DNAH14: variants seen among roughly 807,000 people sequenced by gnomAD.
The protein encoded by DNAH14 is dynein axonemal heavy chain 14.
DNAH14 carries 478 observed loss-of-function variants against 520.9 expected under a neutral mutation model. That is an observed-to-expected ratio of 0.92 (90% confidence interval 0.85 to 0.99). The LOEUF (loss-of-function observed/expected upper bound fraction) is 0.99. Ranked by LOEUF, DNAH14 falls within the 50% of genes least tolerant of loss-of-function variation. The pLI, the probability that DNAH14 is intolerant of heterozygous loss-of-function variation, is 0.00. For synonymous variants in DNAH14, 1,581 were observed against 1,757.2 expected, an observed-to-expected ratio of 0.90 and a Z score of 2.51; for missense variants, 4,831 against 5,234.5, an observed-to-expected ratio of 0.92 and a Z score of 2.38.
At chr1:225,318,995 T>G (rs917267073) in intron 61 of DNAH14, among the ~76,000 whole-genome samples, 1 of 152,212 alleles carries the variant, frequency 6.6e-6, no homozygotes, top group Non-Finnish European at 1.5e-5. Context: ...GATGTAAAAA[T>G]GTGCATCTTA....
At chr1:225,162,025 C>A (rs1417394551) in intron 35 of DNAH14, among the ~76,000 whole-genome samples, 1 of 152,108 alleles carries the variant, frequency 6.6e-6, no homozygotes, top group Non-Finnish European at 1.5e-5. Context: ...ATTCCATTTA[C>A]CCATTTTTGC....
Position 225,367,991 on chromosome 1 carries a change from G to A in DNAH14, c.12277G>A (p.Gly4093Ser). 1.3e-6 allele frequency: 2 copies of A among 1,550,716 alleles called. No homozygotes were observed. The highest frequency in any genetic ancestry group is 8.7e-7 in the Non-Finnish European group (1 of 1,146,818). ...TGAAAGAAAAAATTACGGAATATTG[G>A]GCTGGAATATTGCTTATAAATTTAA... Reference protein sequence around the residue: ...INERKNYGILGWNIAYKFNSS... With the variant: ...INERKNYGILSWNIAYKFNSS... The change falls in exon 77 of 86, where the codon GGC becomes AGC. Residue 4093 changes from glycine (G) to serine (S), a missense_variant. By Grantham distance (56) the Gly-to-Ser change is moderately conservative. Coordinates refer to ENST00000682510, the MANE Select transcript of DNAH14 (RefSeq NM_001367479.1).
At chr1:224,991,709 C>T (rs12086373) in intron 8 of DNAH14, among the ~76,000 whole-genome samples, 8,014 of 152,052 alleles carry the variant, frequency 0.053, 617 homozygotes, top group African/African-American at 0.17. Context: ...CCATCCATGT[C>T]CCTGCAAAGG....
At chr1:225,322,928 T>C in intron 62 of DNAH14, 105 bp downstream of exon 62, 2 of 1,187,668 alleles carry the variant, frequency 1.7e-6, no homozygotes, top group South Asian at 2.2e-5. Flanking sequence ...AGAGACTATT[T>C]TCTAGGAAAA....
In DNAH14 at chr1:225,080,543, T is replaced by C. The variant is rs757705159; in HGVS notation, c.2931T>C (p.Asn977=). 4 of 1,551,964 alleles carry C rather than the reference T, an allele frequency of 2.6e-6. No homozygotes were observed. Among genetic ancestry groups the C allele is most frequent in the East Asian group, 4.9e-5 (2 of 40,904 alleles). ...SDSQSHMHSV[N]VEEITQIVLS... ...CTCAATCTCATATGCATTCTGTTAA[T>C]GTGGAAGAAATTACACAGATTGTGC... The change falls in exon 19 of 86, where the codon AAT becomes AAC. Residue 977 remains asparagine, a synonymous_variant. Coordinates refer to ENST00000682510, the MANE Select transcript of DNAH14 (RefSeq NM_001367479.1).
At position 225,274,194 on chromosome 1, in the gene DNAH14, G is replaced by GTTTTTTTTTTTTTTTTTTTTTT. The variant is rs1193834939; in HGVS notation, c.8010+1071_8010+1072insTTTTTTTTTTTTTTTTTTTTTT. Among the ~76,000 whole-genome samples, 20 of 120,326 alleles carry GTTTTTTTTTTTTTTTTTTTTTT rather than the reference G, an allele frequency of 1.7e-4. 4 individuals are homozygous for GTTTTTTTTTTTTTTTTTTTTTT. The highest frequency in any genetic ancestry group is 3.4e-4 in the African/African-American group (10 of 29,390). The allele number at this position is 120,326 out of a possible 152,430, so 78.9% of individuals were successfully genotyped here. A position where few individuals can be genotyped will look rare whatever the true frequency, so the allele number is the denominator to read the frequency against. On this transcript the variant is annotated intron_variant, in intron 52 of 85. Coordinates refer to ENST00000682510, the MANE Select transcript of DNAH14 (RefSeq NM_001367479.1). ...TTTCTCTGCATCCTCACCAGCATCTGTTATTTTTTTTTTTTTTTTTTTTTT... is the reference window on the plus strand; with the variant it reads ...TTTCTCTGCATCCTCACCAGCATCTGTTTTTTTTTTTTTTTTTTTTTTTTATTTTTTTTTTTTTTTTTTTTTT...
At chr1:224,950,158 A>G (rs977401015) in intron 1 of DNAH14, among the ~76,000 whole-genome samples, 1 of 152,170 alleles carries the variant, frequency 6.6e-6, no homozygotes, top group Admixed American at 6.5e-5. Flanking sequence ...CAATATAAGT[A>G]TAGAAATAAA....
chr1:224,940,765 T>TGTG (rs199746958), intron 1 of DNAH14, among the ~76,000 whole-genome samples: 22,669 of 149,668 alleles, frequency 0.15, 3,125 homozygotes, highest in African/African-American at 0.36. Flanking sequence ...AGTGAGAACA[T>TGTG]GTGTTTAGTT....
chr1:225,057,550 A>G (rs2069304113), intron 17 of DNAH14, among the ~76,000 whole-genome samples: 1 of 152,144 alleles, frequency 6.6e-6, no homozygotes. Context: ...CCCTGGCCAG[A>G]ACTTCCAACA....
At chr1:225,103,370 C>A (rs1046350553) in intron 23 of DNAH14, among the ~76,000 whole-genome samples, 2 of 152,232 alleles carry the variant, frequency 1.3e-5, no homozygotes, top group East Asian at 1.9e-4. Context: ...CTTGACAATG[C>A]GGGCTCTTTT....
Position 225,374,681 on chromosome 1 carries a change from T to A in DNAH14, c.12319-7T>A, listed in dbSNP as rs2095673652. 6.5e-7 allele frequency: 1 copy of A among 1,543,372 alleles called. No individual in the cohort carries two copies. Among genetic ancestry groups the A allele is most frequent in the Admixed American group, 2.0e-5 (1 of 50,424 alleles). On this transcript the variant is annotated splice_polypyrimidine_tract_variant and splice_region_variant and intron_variant, in intron 77 of 85. Transcript: ENST00000682510. ...TGAAATAATAAAGACTCATGGGTTT[T>A]CCAAAGGTTGCCATTAAGGTGTTGG... is the stretch of plus-strand genomic sequence containing the variant.
In DNAH14 at chr1:225,324,272, C is replaced by T. The variant is rs1344133282; in HGVS notation, c.9546C>T (p.His3182=). 1.3e-6 allele frequency: 2 copies of T among 1,551,638 alleles called. No individual in the cohort carries two copies. Among genetic ancestry groups the T allele is most frequent in the Non-Finnish European group, 1.7e-6 (2 of 1,147,006 alleles). The change falls in exon 63 of 86, where the codon CAC becomes CAT. Residue 3182 remains histidine (H), a synonymous_variant. Coordinates refer to ENST00000682510, the MANE Select transcript of DNAH14 (RefSeq NM_001367479.1). ...TAACCTTACCTGATTTCAACCCACA[C>T]AAGATTTCGCTGGTTTCTGTTGCTT... ...KIVTLPDFNP[H]KISLVSVACC...
At chr1:225,247,204 C>T (rs1453138736) in intron 43 of DNAH14, among the ~76,000 whole-genome samples, 2 of 151,652 alleles carry the variant, frequency 1.3e-5, no homozygotes. Flanking sequence ...GAGAGGGGAA[C>T]ATCACACACT....
intron 41 of DNAH14, among the ~76,000 whole-genome samples, chr1:225,221,342 A>G (rs1402601674): frequency 1.3e-5 from 2 of 152,232 alleles, no homozygotes; most frequent in Non-Finnish European, 2.9e-5. Flanking sequence ...CTGCACAGCA[A>G]AAGAAACTAT....
At chr1:225,264,151 T>C in intron 46 of DNAH14, 46 bp from the exon 47 acceptor site, 1 of 1,458,066 alleles carries the variant, frequency 6.9e-7, no homozygotes, top group Non-Finnish European at 9.4e-7. Context: ...ATATACCTAT[T>C]ATGGTAAACA....
chr1:225,367,744 C>A (rs752166514), intron 76 of DNAH14, 61 bp from the exon 77 acceptor site: 20 of 1,175,166 alleles, frequency 1.7e-5, no homozygotes, highest in Non-Finnish European at 2.4e-5. Flanking sequence ...AAGACAAGTG[C>A]CCTGAAGACC....
intron 27 of DNAH14, among the ~76,000 whole-genome samples, chr1:225,134,817 C>T (rs997147557): frequency 6.6e-6 from 1 of 151,878 alleles, no homozygotes; most frequent in African/African-American, 2.4e-5. Flanking sequence ...TCTCTTTGTA[C>T]CTCTGATAGT....
intron 41 of DNAH14, among the ~76,000 whole-genome samples, chr1:225,221,049 T>C (rs2090004819): frequency 6.6e-6 from 1 of 152,092 alleles, no homozygotes; most frequent in Non-Finnish European, 1.5e-5. Flanking sequence ...AAACAAGCAA[T>C]GGGGAAAGGA....
chr1:224,987,526 C>T (rs1347701544), intron 8 of DNAH14, among the ~76,000 whole-genome samples: 16 of 152,192 alleles, frequency 1.1e-4, no homozygotes, highest in South Asian at 4.2e-4. Flanking sequence ...AACTGGCATC[C>T]GTTTAGGGCC....
Sources: gnomAD v4.1 joint callset for allele counts (sites outside exome capture counted in the v4.1 genomes callset) on GRCh38, gnomAD v4.1.1 for gene constraint, MANE v1.5 for transcripts, NCBI Gene and HGNC (gene_info 2026-07-23, HGNC 2026-07-21) for gene names.